GPR141: variants seen among roughly 807,000 people sequenced by gnomAD.
GPR141 encodes the protein probable G protein-coupled receptor 141.
In GPR141, 6 loss-of-function variants were observed where a neutral mutation model predicts 6.8. The ratio of observed to expected loss-of-function variants is 0.88; its 90% CI spans 0.48 to 1.74. The LOEUF (loss-of-function observed/expected upper bound fraction) is 1.74. Among genes scored for constraint, GPR141 ranks in the 40% most tolerant of loss-of-function variants. The pLI is 0.01. For missense variants in GPR141, 372 were observed against 372.9 expected (o/e 1.00, Z 0.02); for synonymous variants, 140 against 142.3 (o/e 0.98, Z 0.11).
At chr7:37,705,095 A>C (rs1392107897) in intron 2 of GPR141, among the ~76,000 whole-genome samples, 1 of 152,204 alleles carries the variant, frequency 6.6e-6, no homozygotes, top group Non-Finnish European at 1.5e-5. Flanking sequence ...GGTATTATTT[A>C]GATATTTCTC....
At chr7:37,738,649 T>C (rs1022329407) in intron 2 of GPR141, among the ~76,000 whole-genome samples, 2 of 151,912 alleles carry the variant, frequency 1.3e-5, no homozygotes, top group African/African-American at 4.8e-5. Context: ...GGGTTATTAT[T>C]ATCTTTTTTT....
At chr7:37,737,277 G>T (rs575726892) in intron 2 of GPR141, among the ~76,000 whole-genome samples, 88 of 152,220 alleles carry the variant, frequency 5.8e-4, no homozygotes, top group African/African-American at 2.1e-3. Context: ...AACCCATGTA[G>T]CTGGATCCTG....
chr7:37,718,555 GGAAAGAAA>G (rs1562780634), intron 2 of GPR141, among the ~76,000 whole-genome samples: 1 of 150,404 alleles, frequency 6.6e-6, no homozygotes, highest in African/African-American at 2.5e-5. Context: ...AAGGAAGGAA[GGAAAGAAA>G]GAAGGAAGGG....
intron 2 of GPR141, among the ~76,000 whole-genome samples, chr7:37,689,300 T>C (rs1809653540): frequency 6.6e-6 from 1 of 152,146 alleles, no homozygotes; most frequent in South Asian, 2.1e-4. Context: ...ACTAGTATTT[T>C]GTTGAGGATT....
chr7:37,741,305 C>T lies in GPR141; in HGVS notation c.912C>T (p.Cys304=), dbSNP rs115980800. The T allele has an allele frequency of 1.9e-4, 303 of 1,576,928 alleles. No homozygotes were observed. In the African/African-American group the frequency reaches 3.7e-3, roughly 19 times the overall value. The change falls in exon 3 of 3, where the codon TGC becomes TGT. Residue 304 remains cysteine (C), a synonymous_variant. Coordinates refer to ENST00000334425, the MANE Select transcript of GPR141 (RefSeq NM_001381946.1). ...KIIGLWNCVL[C]R ...TTGGCTTATGGAATTGTGTTTTGTGCCGTTAGCCACAAACTACAGTATTCA... is the reference window on the plus strand; with the variant it reads ...TTGGCTTATGGAATTGTGTTTTGTGTCGTTAGCCACAAACTACAGTATTCA...
Position 37,740,755 on chromosome 7 carries a change from A to G in GPR141, c.362A>G (p.Lys121Arg). ...VTRYLIFFKC[K>R]DKVEFYRKLH... ...AGATACCTCATCTTCTTCAAGTGCA[A>G]AGACAAAGTGGAATTCTACAGAAAA... Residue 121 changes from lysine (K) to arginine (R), a missense_variant, in exon 3 of 3, where the codon AAA becomes AGA. By Grantham distance (26) the Lys-to-Arg change is conservative. Coordinates refer to ENST00000334425, the MANE Select transcript of GPR141 (RefSeq NM_001381946.1). The G allele has an allele frequency of 1.2e-6, 2 of 1,614,114 alleles. No homozygotes were observed.
chr7:37,713,773 C>G (rs1454730987), intron 2 of GPR141, among the ~76,000 whole-genome samples: 1 of 152,154 alleles, frequency 6.6e-6, no homozygotes, highest in Non-Finnish European at 1.5e-5. Flanking sequence ...GACGTTATTT[C>G]TCTCCTGTGT....
chr7:37,699,956 CT>C (rs2131752524), intron 2 of GPR141, among the ~76,000 whole-genome samples: 1 of 152,256 alleles, frequency 6.6e-6, no homozygotes, highest in South Asian at 2.1e-4. Flanking sequence ...TATTGAATAG[CT>C]TTTCTGTCCT....
At chr7:37,707,391 C>T (rs1228788370) in intron 2 of GPR141, among the ~76,000 whole-genome samples, 1 of 152,106 alleles carries the variant, frequency 6.6e-6, no homozygotes, top group Non-Finnish European at 1.5e-5. Context: ...CTGAGCTTCC[C>T]TGATTGTAAC....
chr7:37,694,991 C>T (rs1293558078), intron 2 of GPR141, among the ~76,000 whole-genome samples: 4 of 152,084 alleles, frequency 2.6e-5, no homozygotes, highest in Non-Finnish European at 4.4e-5. Context: ...TGTACAGCCT[C>T]AGCTTAGGGC....
chr7:37,692,248 T>C (rs1333484316), intron 2 of GPR141, among the ~76,000 whole-genome samples: 1 of 152,216 alleles, frequency 6.6e-6, no homozygotes. Flanking sequence ...CATGCAGTGT[T>C]TGGTTTTCTG....
chr7:37,732,343 C>T (rs2131846624), intron 2 of GPR141, among the ~76,000 whole-genome samples: 1 of 151,876 alleles, frequency 6.6e-6, no homozygotes, highest in East Asian at 1.9e-4. Context: ...GTCAGAGCCC[C>T]CTCACCTTGA....
At chr7:37,690,979 G>A (rs1809732883) in intron 2 of GPR141, among the ~76,000 whole-genome samples, 1 of 152,130 alleles carries the variant, frequency 6.6e-6, no homozygotes, top group African/African-American at 2.4e-5. Flanking sequence ...TTTGTTTTAT[G>A]TATCTATGTG....
chr7:37,686,459 T>C (rs542577170), intron 2 of GPR141, among the ~76,000 whole-genome samples: 3 of 152,346 alleles, frequency 2.0e-5, no homozygotes, highest in African/African-American at 7.2e-5. Context: ...AATGACAATG[T>C]TATTATTCGT....
chr7:37,703,154 G>A (rs1810369313), intron 2 of GPR141, among the ~76,000 whole-genome samples: 1 of 152,076 alleles, frequency 6.6e-6, no homozygotes, highest in South Asian at 2.1e-4. Context: ...ACACATTGTA[G>A]GTTGATTATT....
intron 2 of GPR141, among the ~76,000 whole-genome samples, chr7:37,730,206 C>T (rs188824225): frequency 1.3e-3 from 205 of 152,188 alleles, no homozygotes; most frequent in South Asian, 8.1e-3. Context: ...CTTGATCTCT[C>T]GCTCTCTTTC....
At chr7:37,736,647 C>T (rs960511706) in intron 2 of GPR141, among the ~76,000 whole-genome samples, 5 of 152,098 alleles carry the variant, frequency 3.3e-5, no homozygotes, top group East Asian at 3.8e-4. Context: ...GTAATAACAT[C>T]TTTAAAGTAC....
chr7:37,723,926 T>C (rs1811482465), intron 2 of GPR141, among the ~76,000 whole-genome samples: 1 of 152,218 alleles, frequency 6.6e-6, no homozygotes, highest in Admixed American at 6.5e-5. Flanking sequence ...TCAGAATTCA[T>C]AGCACATTTC....
chr7:37,688,763 G>A (rs969139093), intron 2 of GPR141, among the ~76,000 whole-genome samples: 2 of 152,142 alleles, frequency 1.3e-5, no homozygotes, highest in Non-Finnish European at 2.9e-5. Flanking sequence ...CATGGAGGTC[G>A]GAAGCATCTC....
Sources: gnomAD v4.1 joint callset for allele counts (sites outside exome capture counted in the v4.1 genomes callset) on GRCh38, gnomAD v4.1.1 for gene constraint, MANE v1.5 for transcripts, NCBI Gene and HGNC (gene_info 2026-07-23, HGNC 2026-07-21) for gene names.